The following THRB variants were observed in gnomAD, a reference collection of about 807,000 sequenced individuals.
THRB encodes the protein nuclear receptor subfamily 1 group A member 2.
Under a neutral mutation model 47.8 loss-of-function variants are expected in THRB, and 12 were observed. The ratio of observed to expected loss-of-function variants is 0.25; its 90% confidence interval spans 0.16 to 0.41. The LOEUF (loss-of-function observed/expected upper bound fraction) is 0.41. Among genes scored for constraint, THRB ranks in the 10% least tolerant of loss-of-function variants. The pLI is 1.00. For missense variants in THRB, 348 were observed against 589.2 expected (o/e 0.59, Z 4.24); for synonymous variants, 218 against 212.2 (o/e 1.03, Z -0.24).
rs138861873 is a variant in THRB at position 24,253,212 on chromosome 3, A to G, written c.-42-24211T>C. Among the ~76,000 whole-genome samples, 419 of 152,358 alleles carry G rather than the reference A, an allele frequency of 2.8e-3. 11 individuals carry two copies. Among genetic ancestry groups the G allele is most frequent in the East Asian group, 0.025 (132 of 5,194 alleles). Reference sequence around the variant, plus strand: ...ATATAAAAAGGAAAATGGAAAGTATATATGGTATAGATTGTTGTATATCTA... The same window carrying G: ...ATATAAAAAGGAAAATGGAAAGTATGTATGGTATAGATTGTTGTATATCTA... On this transcript the variant is annotated intron_variant, in intron 3 of 10. Transcript: ENST00000646209.
chr3:24,319,981 T>G (rs1371631303), intron 2 of THRB, among the ~76,000 whole-genome samples: 1 of 152,176 alleles, frequency 6.6e-6, no homozygotes, highest in Non-Finnish European at 1.5e-5. Flanking sequence ...GTAGCATGAC[T>G]CCCTTTTGGG....
intron 1 of THRB, among the ~76,000 whole-genome samples, chr3:24,475,340 G>T (rs958702553): frequency 6.6e-6 from 1 of 151,896 alleles, no homozygotes; most frequent in Non-Finnish European, 1.5e-5. Flanking sequence ...TACTTATTTA[G>T]AAATAAATAA....
chr3:24,263,727 T>C (rs1383046664), intron 3 of THRB, among the ~76,000 whole-genome samples: 1 of 151,598 alleles, frequency 6.6e-6, no homozygotes, highest in Non-Finnish European at 1.5e-5. Flanking sequence ...AATATAGACA[T>C]AGATAATTAT....
Position 24,486,614 on chromosome 3 carries a change from T to C in THRB, c.-261+8038A>G, listed in dbSNP as rs189125500. On this transcript the variant is annotated intron_variant, in intron 1 of 10. Transcript: ENST00000646209. ...GCAATACCTTATGTTTATGAACCCA[T>C]AGAGTGGGAGATAGATTAATAAGCC... The C allele has an allele frequency of 7.9e-5, 12 of 152,316 alleles. No homozygotes were observed. In the East Asian group the frequency reaches 1.5e-3, roughly 20 times the overall value. The allele number at this position is 152,316 out of a possible 1,614,324, so 9.4% of individuals were successfully genotyped here. A position where few individuals can be genotyped will look rare whatever the true frequency, so the allele number is the denominator to read the frequency against.
intron 1 of THRB, among the ~76,000 whole-genome samples, chr3:24,468,787 A>G (rs1361614838): frequency 6.6e-6 from 1 of 152,266 alleles, no homozygotes; most frequent in Admixed American, 6.5e-5. Context: ...TGTGAGAATT[A>G]CCAAAATACG....
rs1180898231 is a variant in THRB, at chr3:24,118,972, G to GATTTTTT, written c.*3911_*3912insAAAAAAT. ...GGCCAAACCTTTTTTCCCCCAGTCTGGTTTTTTTTTTTTTTTTTTTTTTTT... is the reference window on the plus strand; with the variant it reads ...GGCCAAACCTTTTTTCCCCCAGTCTGATTTTTTGTTTTTTTTTTTTTTTTTTTTTTTT... On this transcript the variant is annotated 3_prime_UTR_variant, in exon 11 of 11. Transcript: ENST00000646209. 1.5e-5 allele frequency: 1 copy of GATTTTTT among 66,454 alleles called. No individual in the cohort carries two copies. The allele number at this position is 66,454 out of a possible 1,614,324, so 4.1% of individuals were successfully genotyped here. A position where few individuals can be genotyped will look rare whatever the true frequency, so the allele number is the denominator to read the frequency against.
intron 1 of THRB, among the ~76,000 whole-genome samples, chr3:24,370,243 G>A (rs1240301849): frequency 6.6e-6 from 1 of 151,932 alleles, no homozygotes; most frequent in Non-Finnish European, 1.5e-5. Context: ...CCCCTTTATT[G>A]TCTGCAGTGC....
intron 3 of THRB, among the ~76,000 whole-genome samples, chr3:24,243,936 T>C (rs1228380006): frequency 6.6e-6 from 1 of 152,070 alleles, no homozygotes; most frequent in African/African-American, 2.4e-5. Flanking sequence ...CAAAAGGAAA[T>C]AAATTTTCTC....
At chr3:24,213,592 C>T (rs1408585813) in intron 4 of THRB, among the ~76,000 whole-genome samples, 2 of 152,156 alleles carry the variant, frequency 1.3e-5, no homozygotes, top group African/African-American at 4.8e-5. Context: ...ACAATACAAT[C>T]AGATGTATTG....
intron 4 of THRB, among the ~76,000 whole-genome samples, chr3:24,218,662 GC>G (rs1247381455): frequency 3.3e-5 from 5 of 151,696 alleles, no homozygotes; most frequent in African/African-American, 1.2e-4. Flanking sequence ...TGTATGTTGT[GC>G]CCCAGTGCTC....
intron 2 of THRB, among the ~76,000 whole-genome samples, chr3:24,332,338 G>A (rs1202668499): frequency 6.6e-6 from 1 of 152,188 alleles, no homozygotes; most frequent in Non-Finnish European, 1.5e-5. Flanking sequence ...AGTCCCTGCT[G>A]ACGATAGAAC....
In THRB at chr3:24,348,375, G is replaced by T. The variant is rs528457710; in HGVS notation, c.-260-11004C>A. Among the ~76,000 whole-genome samples the T allele has an allele frequency of 1.8e-4, 27 of 152,184 alleles. No individual in the cohort carries two copies. The South Asian group carries it at 5.2e-3, about 29-fold the overall frequency. On this transcript the variant is annotated intron_variant, in intron 1 of 10. Coordinates refer to ENST00000646209, the MANE Select transcript of THRB (RefSeq NM_001354712.2). ...TGACCAGGTTGTACTAGTGTAATAA[G>T]GCTGGTCCCTGCCACAAGTCCCCCT...
chr3:24,452,005 A>T (rs1296827267), intron 1 of THRB, among the ~76,000 whole-genome samples: 8 of 152,178 alleles, frequency 5.3e-5, no homozygotes, highest in Admixed American at 1.3e-4. Flanking sequence ...GTTAGAATAC[A>T]TTCTGAAGTC....
At chr3:24,468,011 CA>C (rs1448222659) in intron 1 of THRB, among the ~76,000 whole-genome samples, 1 of 152,202 alleles carries the variant, frequency 6.6e-6, no homozygotes, top group Admixed American at 6.5e-5. Context: ...CTATTTTCAT[CA>C]ATTATCTTAG....
Position 24,120,696 on chromosome 3 carries a change from T to G in THRB, c.*2188A>C, listed in dbSNP as rs2031526422. ...GAGTCAAGAGAGGAAGCTGAAATAT[T>G]AGCAGAGCAAGCAATTAAGGAGCCT... On this transcript the variant is annotated 3_prime_UTR_variant, in exon 11 of 11. Coordinates refer to ENST00000646209, the MANE Select transcript of THRB (RefSeq NM_001354712.2). 1 of 152,230 alleles carries G rather than the reference T, an allele frequency of 6.6e-6. No homozygotes were observed. The highest frequency in any genetic ancestry group is 2.4e-5 in the African/African-American group (1 of 41,450). The allele number at this position is 152,230 out of a possible 1,614,324, so 9.4% of individuals were successfully genotyped here. A position where few individuals can be genotyped will look rare whatever the true frequency, so the allele number is the denominator to read the frequency against.
Position 24,188,986 on chromosome 3 carries a change from A to G in THRB, c.283+1088T>C, listed in dbSNP as rs550270836. 4.3e-4 allele frequency among the ~76,000 whole-genome samples: 65 copies of G among 151,254 alleles called. No homozygotes were observed. The South Asian group carries it at 0.013, about 31-fold the overall frequency. ...AACACTATTTCACTATTACTTTTGAATAACTCTATTTCCAACTGAAACACT... is the reference window on the plus strand; with the variant it reads ...AACACTATTTCACTATTACTTTTGAGTAACTCTATTTCCAACTGAAACACT... On this transcript the variant is annotated intron_variant, in intron 5 of 10. Coordinates refer to ENST00000646209, the MANE Select transcript of THRB (RefSeq NM_001354712.2).
chr3:24,270,964 C>G (rs6550855), intron 3 of THRB, among the ~76,000 whole-genome samples: 1,539 of 152,238 alleles, frequency 0.01, 26 homozygotes, highest in East Asian at 0.048. Flanking sequence ...AGGCTCCCCC[C>G]CTTTCCAAAA....
Position 24,313,928 on chromosome 3 carries a change from C to T in THRB, c.-188-16557G>A, listed in dbSNP as rs189361294. Among the ~76,000 whole-genome samples the T allele has an allele frequency of 2.8e-4, 42 of 152,172 alleles. 2 individuals carry two copies. The Middle Eastern group carries it at 0.017, about 62-fold the overall frequency. ...TTCCCACACAAAGCTAGAATGCTGT[C>T]TATAATATTCTTAACAGTAAAAAGG... is the stretch of plus-strand genomic sequence containing the variant. On this transcript the variant is annotated intron_variant, in intron 2 of 10. Coordinates refer to ENST00000646209, the MANE Select transcript of THRB (RefSeq NM_001354712.2).
At chr3:24,224,328 G>A (rs1329296574) in intron 4 of THRB, among the ~76,000 whole-genome samples, 25 of 152,114 alleles carry the variant, frequency 1.6e-4, no homozygotes, top group Non-Finnish European at 4.4e-5. Context: ...ATCACCATAT[G>A]ATGAATTACT....
Sources: gnomAD v4.1 joint callset for allele counts (sites outside exome capture counted in the v4.1 genomes callset) on GRCh38, gnomAD v4.1.1 for gene constraint, MANE v1.5 for transcripts, NCBI Gene and HGNC (gene_info 2026-07-23, HGNC 2026-07-21) for gene names.